SAMD5: variants seen among roughly 807,000 people sequenced by gnomAD.
The protein encoded by SAMD5 is sterile alpha motif domain containing 5, also known as sterile alpha motif domain-containing protein 5.
SAMD5 carries 13 observed loss-of-function variants against 11.3 expected under a neutral mutation model. The observed-to-expected ratio is 1.15, with a 90% CI of 0.75 to 1.83. The LOEUF is 1.83. Ranked by LOEUF, SAMD5 falls within the 40% of genes most tolerant of loss-of-function variation. The pLI is 0.00. For missense variants in SAMD5, 255 were observed against 239.1 expected, an observed-to-expected ratio of 1.07 and a Z score of -0.44; for synonymous variants, 129 against 111.3, an observed-to-expected ratio of 1.16 and a Z score of -1.00.
the SAMD5 span, among the ~76,000 whole-genome samples, chr6:147,863,149 G>T: frequency 6.6e-6 from 1 of 152,106 alleles, no homozygotes; most frequent in South Asian, 2.1e-4. Flanking sequence ...ATAGGTAAAG[G>T]GTCATAATTT....
the SAMD5 span, among the ~76,000 whole-genome samples, chr6:147,838,485 G>A: frequency 2.0e-5 from 3 of 150,206 alleles, no homozygotes; most frequent in Non-Finnish European, 4.4e-5. Context: ...ATATATAAAT[G>A]TCCACATAAT....
At chr6:147,643,974 T>C (rs1790356254) in intron 1 of SAMD5, among the ~76,000 whole-genome samples, 1 of 146,160 alleles carries the variant, frequency 6.8e-6, no homozygotes, top group African/African-American at 2.5e-5. Context: ...CCAAAGTAAC[T>C]GGATTTAAAT....
At chr6:147,852,011 A>G in the SAMD5 span, among the ~76,000 whole-genome samples, 2 of 152,324 alleles carry the variant, frequency 1.3e-5, no homozygotes, top group East Asian at 1.9e-4. Flanking sequence ...GCAATTGCTT[A>G]TAGTCCAAAA....
intron 1 of SAMD5, among the ~76,000 whole-genome samples, chr6:147,661,859 G>T (rs1009748010): frequency 3.3e-5 from 5 of 152,148 alleles, no homozygotes; most frequent in Admixed American, 6.5e-5. Context: ...TCGAACTCTT[G>T]ACCTCATGAT....
At chr6:147,833,913 T>C in the SAMD5 span, among the ~76,000 whole-genome samples, 5 of 152,216 alleles carry the variant, frequency 3.3e-5, no homozygotes, top group Admixed American at 3.3e-4. Flanking sequence ...CAGTGCTTTG[T>C]GAAGCTAATA....
At chr6:147,814,834 G>T in the SAMD5 span, among the ~76,000 whole-genome samples, 2 of 152,078 alleles carry the variant, frequency 1.3e-5, no homozygotes, top group African/African-American at 4.8e-5. Flanking sequence ...GTAGTAAATA[G>T]GCCAGAGGGA....
the SAMD5 span, among the ~76,000 whole-genome samples, chr6:147,898,009 G>T: frequency 1.4e-5 from 2 of 146,670 alleles, no homozygotes; most frequent in Non-Finnish European, 3.0e-5. Context: ...GATGCCAGCT[G>T]CAGGCTGTCA....
the SAMD5 span, among the ~76,000 whole-genome samples, chr6:147,946,355 C>G: frequency 4.0e-3 from 604 of 152,204 alleles, 6 homozygotes; most frequent in African/African-American, 0.012. Context: ...TCATACAATG[C>G]CTGAGATAAT....
chr6:147,602,561 T>C (rs1490212382), intron 1 of SAMD5, among the ~76,000 whole-genome samples: 4 of 152,238 alleles, frequency 2.6e-5, no homozygotes, highest in Non-Finnish European at 5.9e-5. Context: ...CTGGCCAACA[T>C]GGCAAAACCC....
At chr6:147,606,978 A>AAAAAC (rs397708065) in intron 1 of SAMD5, among the ~76,000 whole-genome samples, 2 of 148,154 alleles carry the variant, frequency 1.3e-5, no homozygotes, top group Non-Finnish European at 3.0e-5. Flanking sequence ...AAAAAAAAAA[A>AAAAAC]CAGAAAGAGA....
the SAMD5 span, among the ~76,000 whole-genome samples, chr6:147,746,719 C>T: frequency 2.4e-3 from 360 of 152,238 alleles, 3 homozygotes; most frequent in Admixed American, 4.9e-3. Context: ...CAAAAGTGGG[C>T]AGAGGTGGAT....
chr6:147,801,632 AG>A, the SAMD5 span, among the ~76,000 whole-genome samples: 2 of 152,184 alleles, frequency 1.3e-5, no homozygotes, highest in Non-Finnish European at 2.9e-5. Flanking sequence ...CAGGTAGCAC[AG>A]GGCTGTTGTC....
At chr6:147,793,437 G>A in the SAMD5 span, among the ~76,000 whole-genome samples, 34 of 152,204 alleles carry the variant, frequency 2.2e-4, no homozygotes, top group Admixed American at 1.0e-3. Flanking sequence ...TGGAATCCTG[G>A]AACAGCAAAA....
the SAMD5 span, among the ~76,000 whole-genome samples, chr6:147,810,931 T>A: frequency 6.6e-6 from 1 of 152,196 alleles, no homozygotes; most frequent in African/African-American, 2.4e-5. Flanking sequence ...GATATCTAAC[T>A]GGTAGAGGAG....
intron 1 of SAMD5, among the ~76,000 whole-genome samples, chr6:147,540,944 T>TGG (rs1332327757): frequency 1.8e-4 from 25 of 138,418 alleles, no homozygotes; most frequent in African/African-American, 5.2e-4. Context: ...TTTTTTTTTT[T>TGG]TTTTTTTTTT....
At chr6:147,768,323 C>T in the SAMD5 span, among the ~76,000 whole-genome samples, 1 of 152,096 alleles carries the variant, frequency 6.6e-6, no homozygotes, top group African/African-American at 2.4e-5. Context: ...CATAGTGAAA[C>T]CTCGTCTCTA....
intron 1 of SAMD5, among the ~76,000 whole-genome samples, chr6:147,706,595 C>T (rs1791328332): frequency 6.6e-6 from 1 of 152,180 alleles, no homozygotes; most frequent in Admixed American, 6.5e-5. Context: ...CAGGTTTGAA[C>T]TGTGAGAGTC....
At chr6:147,786,435 G>T in the SAMD5 span, among the ~76,000 whole-genome samples, 1 of 152,156 alleles carries the variant, frequency 6.6e-6, no homozygotes, top group Non-Finnish European at 1.5e-5. Flanking sequence ...ACTTCATTTT[G>T]TGAGGCGAAT....
At chr6:147,842,713 AG>A in the SAMD5 span, among the ~76,000 whole-genome samples, 3 of 152,326 alleles carry the variant, frequency 2.0e-5, no homozygotes, top group African/African-American at 7.2e-5. Flanking sequence ...TAGTATTTGT[AG>A]TACCTATGGC....
Sources: gnomAD v4.1 joint callset for allele counts (sites outside exome capture counted in the v4.1 genomes callset) on GRCh38, gnomAD v4.1.1 for gene constraint, MANE v1.5 for transcripts, NCBI Gene and HGNC (gene_info 2026-07-23, HGNC 2026-07-21) for gene names.